TNKS: variants seen among roughly 807,000 people sequenced by gnomAD.
TNKS encodes the protein poly [ADP-ribose] polymerase tankyrase-1.
In TNKS, 72 loss-of-function variants were observed where a neutral mutation model predicts 135.8. The observed-to-expected ratio is 0.53, with a 90% confidence interval of 0.44 to 0.64. The LOEUF (loss-of-function observed/expected upper bound fraction) is 0.64, where lower values mean the gene tolerates loss of function less well. Ranked by LOEUF, TNKS falls within the 30% of genes least tolerant of loss-of-function variation. The pLI is 0.00. For missense variants in TNKS, 1,769 were observed against 1,674.0 expected (o/e 1.06, Z -0.99); for synonymous variants, 849 against 649.3 (o/e 1.31, Z -4.68).
intron 26 of TNKS, 57 bp downstream of exon 26, chr8:9,770,319 G>A: frequency 6.5e-7 from 1 of 1,539,854 alleles, no homozygotes; most frequent in South Asian, 1.2e-5. Flanking sequence ...ATAGAGCACA[G>A]AGACCGTGTA....
intron 2 of TNKS, among the ~76,000 whole-genome samples, chr8:9,586,468 A>T (rs1366232832): frequency 6.6e-6 from 1 of 152,132 alleles, no homozygotes; most frequent in African/African-American, 2.4e-5. Flanking sequence ...TTATAAAATT[A>T]TATTTTATGA....
chr8:9,744,619 G>C (rs1281982630), intron 17 of TNKS, among the ~76,000 whole-genome samples: 1 of 152,124 alleles, frequency 6.6e-6, no homozygotes, highest in Non-Finnish European at 1.5e-5. Flanking sequence ...ACAGAGATCA[G>C]TTTCTTTTCT....
At position 9,751,872 on chromosome 8, in the gene TNKS, T is replaced by G. The variant is rs1231354739; in HGVS notation, c.3070+26T>G. On this transcript the variant is annotated intron_variant, in intron 19 of 26. Transcript: ENST00000310430. ...GTGAGTAGACCCCATGAATGCTTAT[T>G]TATTTATACCTTTTGTTAGTGGAGC... The G allele has an allele frequency of 1.9e-6, 3 of 1,604,146 alleles. No homozygotes were observed. In the South Asian group the frequency reaches 3.3e-5, roughly 18 times the overall value.
At chr8:9,582,614 C>A (rs1472566487) in intron 2 of TNKS, among the ~76,000 whole-genome samples, 1 of 152,146 alleles carries the variant, frequency 6.6e-6, no homozygotes, top group Non-Finnish European at 1.5e-5. Context: ...TGTGTGAGGC[C>A]ATGGGCCACT....
chr8:9,766,376 G>C lies in TNKS; in HGVS notation c.3691G>C (p.Gly1231Arg). The C allele has an allele frequency of 6.2e-7, 1 of 1,613,580 alleles. No individual in the cohort carries two copies. Among genetic ancestry groups the C allele is most frequent in the South Asian group, 1.1e-5 (1 of 91,042 alleles). The change falls in exon 25 of 27, where the codon GGA (glycine) becomes CGA (arginine). Residue 1231 changes from glycine (G) to arginine (R), a missense_variant. Physicochemically the swap from Gly to Arg is moderately radical, Grantham distance 125. This residue lies in a region of TNKS where 722 missense variants were observed against 688.9 expected (regional missense o/e 1.05). Transcript: ENST00000310430. ...CCAATATGTTTATGGAATTGGAGGAGGAACAGGCTGCCCTACACACAAGGA... is the reference window on the plus strand; with the variant it reads ...CCAATATGTTTATGGAATTGGAGGACGAACAGGCTGCCCTACACACAAGGA... ...SNQYVYGIGG[G>R]TGCPTHKDRS...
intron 2 of TNKS, among the ~76,000 whole-genome samples, chr8:9,589,244 C>A (rs553975040): frequency 1.3e-5 from 2 of 152,158 alleles, no homozygotes; most frequent in East Asian, 1.9e-4. Context: ...ACATTCTGGG[C>A]CAAGGGTAGC....
chr8:9,563,368 T>C (rs1011119673), intron 1 of TNKS, among the ~76,000 whole-genome samples: 6 of 152,154 alleles, frequency 3.9e-5, no homozygotes, highest in Non-Finnish European at 7.4e-5. Context: ...TTTCTGTAAA[T>C]GGCCAGATAG....
At chr8:9,773,006 AACTT>A (rs913788347) in intron 26 of TNKS, among the ~76,000 whole-genome samples, 3 of 151,662 alleles carry the variant, frequency 2.0e-5, no homozygotes, top group African/African-American at 7.3e-5. Context: ...TAATTTTTGC[AACTT>A]ACTTGTAAGT....
chr8:9,755,802 G>A (rs1430894077), intron 20 of TNKS, among the ~76,000 whole-genome samples: 1 of 152,186 alleles, frequency 6.6e-6, no homozygotes, highest in Admixed American at 6.5e-5. Context: ...CCAGTGGGGT[G>A]TGGAATGTAG....
At chr8:9,684,669 G>T (rs1585324929) in intron 5 of TNKS, among the ~76,000 whole-genome samples, 1 of 152,194 alleles carries the variant, frequency 6.6e-6, no homozygotes, top group East Asian at 1.9e-4. Flanking sequence ...TTTGATAGGT[G>T]CTTTTAAAAT....
rs1225534661 is a variant in TNKS at position 9,757,043 on chromosome 8, C to T, written c.3153+4417C>T. Among the ~76,000 whole-genome samples the T allele has an allele frequency of 2.0e-5, 3 of 152,142 alleles. No homozygotes were observed. In the East Asian group the frequency reaches 5.8e-4, roughly 29 times the overall value. Reference sequence around the variant, plus strand: ...CCAGGCTGGAGTGCAGTGGCGTGATCTCAGCTCACTGCAACCTCCGCCTCC... The same window carrying T: ...CCAGGCTGGAGTGCAGTGGCGTGATTTCAGCTCACTGCAACCTCCGCCTCC... On this transcript the variant is annotated intron_variant, in intron 20 of 26. Coordinates refer to ENST00000310430, the MANE Select transcript of TNKS (RefSeq NM_003747.3).
chr8:9,664,132 TAAAGA>T (rs1801872466), intron 3 of TNKS, among the ~76,000 whole-genome samples: 1 of 152,196 alleles, frequency 6.6e-6, no homozygotes, highest in African/African-American at 2.4e-5. Flanking sequence ...GGGTAATTTA[TAAAGA>T]AAAGAGGTTT....
rs1806324703 is a variant in TNKS at position 9,748,043 on chromosome 8, T to C, written c.2663T>C (p.Leu888Ser). Residue 888 changes from leucine to serine, a missense_variant, in exon 18 of 27, where the codon TTA becomes TCA. This residue lies in a region of TNKS where 722 missense variants were observed against 688.9 expected (regional missense o/e 1.05). Coordinates refer to ENST00000310430, the MANE Select transcript of TNKS (RefSeq NM_003747.3). Reference protein sequence around the residue: ...ASYGHVDIAALLIKYNTCVNA... With the variant: ...ASYGHVDIAASLIKYNTCVNA... ...TTTCAGCATGTTGACATAGCGGCTTTATTGATAAAATACAACACGTGTGTA... is the reference window on the plus strand; with the variant it reads ...TTTCAGCATGTTGACATAGCGGCTTCATTGATAAAATACAACACGTGTGTA... 2 of 1,608,192 alleles carry C rather than the reference T, an allele frequency of 1.2e-6. No individual in the cohort carries two copies. The highest frequency in any genetic ancestry group is 1.1e-5 in the South Asian group (1 of 89,752).
At chr8:9,599,734 T>C (rs545494015) in intron 2 of TNKS, among the ~76,000 whole-genome samples, 3 of 151,738 alleles carry the variant, frequency 2.0e-5, no homozygotes, top group Admixed American at 2.0e-4. Context: ...AAAAATCTGC[T>C]ATGTATATGT....
intron 1 of TNKS, among the ~76,000 whole-genome samples, chr8:9,572,326 C>G (rs1220608876): frequency 6.6e-6 from 1 of 152,086 alleles, no homozygotes; most frequent in Non-Finnish European, 1.5e-5. Context: ...GATTTGTTTT[C>G]TTTCTGAAAG....
intron 5 of TNKS, among the ~76,000 whole-genome samples, chr8:9,698,300 A>C (rs1274607512): frequency 6.7e-6 from 1 of 150,374 alleles, no homozygotes; most frequent in East Asian, 2.0e-4. Context: ...TACCATGCTC[A>C]CTACTTGACT....
intron 3 of TNKS, among the ~76,000 whole-genome samples, chr8:9,637,035 T>A (rs1800538969): frequency 6.6e-6 from 1 of 152,198 alleles, no homozygotes; most frequent in African/African-American, 2.4e-5. Flanking sequence ...ATTGACAGCT[T>A]GAGTGGACAT....
At chr8:9,614,939 C>G (rs1799584797) in intron 2 of TNKS, among the ~76,000 whole-genome samples, 1 of 152,154 alleles carries the variant, frequency 6.6e-6, no homozygotes, top group Admixed American at 6.5e-5. Context: ...ACATTCGTGC[C>G]TTAGGATATA....
At chr8:9,579,627 C>G (rs368201977) in intron 1 of TNKS, among the ~76,000 whole-genome samples, 2 of 152,246 alleles carry the variant, frequency 1.3e-5, no homozygotes, top group East Asian at 3.9e-4. Context: ...TGCCATCACG[C>G]CTGGCTAATT....
Sources: gnomAD v4.1 joint callset for allele counts (sites outside exome capture counted in the v4.1 genomes callset) on GRCh38, gnomAD v4.1.1 for gene constraint, gnomAD v4.1.1 regional missense constraint, MANE v1.5 for transcripts, NCBI Gene and HGNC (gene_info 2026-07-23, HGNC 2026-07-21) for gene names.